The following NRG1 variants were observed in gnomAD, a reference collection of about 807,000 sequenced individuals.
The protein encoded by NRG1 is pro-neuregulin-1, membrane-bound isoform.
In NRG1, 18 loss-of-function variants were observed where a neutral mutation model predicts 63.8. The observed-to-expected ratio is 0.28, with a 90% confidence interval of 0.19 to 0.42. The LOEUF (loss-of-function observed/expected upper bound fraction) is 0.42, where lower values mean the gene tolerates loss of function less well. NRG1 is among the 10% of genes least tolerant of loss of function. NRG1 has a pLI of 1.00. For missense variants in NRG1, 762 were observed against 814.7 expected (o/e 0.94, Z 0.79); for synonymous variants, 302 against 301.3 (o/e 1.00, Z -0.02).
At chr8:32,529,934 G>T (rs886120979) in intron 1 of NRG1, among the ~76,000 whole-genome samples, 1 of 152,086 alleles carries the variant, frequency 6.6e-6, no homozygotes, top group African/African-American at 2.4e-5. Flanking sequence ...CAGTAACATA[G>T]TCATTTAGTG....
intron 1 of NRG1, among the ~76,000 whole-genome samples, chr8:32,355,664 A>AG (rs1239914528): frequency 2.7e-4 from 28 of 104,774 alleles, no homozygotes; most frequent in Admixed American, 1.5e-3. Flanking sequence ...TGGAGAAAGA[A>AG]GGGGGAAAAA....
At chr8:32,390,187 C>A in intron 1 of NRG1, among the ~76,000 whole-genome samples, 1 of 152,150 alleles carries the variant, frequency 6.6e-6, no homozygotes, top group Non-Finnish European at 1.5e-5. Context: ...TCTGGTGTCC[C>A]TGATTCTGGA....
At chr8:32,398,952 TATC>T (rs1452909317) in intron 1 of NRG1, among the ~76,000 whole-genome samples, 1 of 152,154 alleles carries the variant, frequency 6.6e-6, no homozygotes, top group East Asian at 1.9e-4. Context: ...TATATTGCAA[TATC>T]ATAGAAACCT....
intron 1 of NRG1, among the ~76,000 whole-genome samples, chr8:31,741,350 C>G (rs7009880): frequency 6.6e-6 from 1 of 151,588 alleles, no homozygotes; most frequent in Admixed American, 6.6e-5. Context: ...TGCACATGTA[C>G]CCCCTGAATC....
chr8:31,937,721 T>G (rs1009638956), intron 1 of NRG1, among the ~76,000 whole-genome samples: 7 of 151,950 alleles, frequency 4.6e-5, no homozygotes, highest in Non-Finnish European at 7.4e-5. Context: ...TGCATGGGAG[T>G]GGGGTGAGGC....
intron 1 of NRG1, among the ~76,000 whole-genome samples, chr8:31,987,005 A>G (rs1810174270): frequency 6.6e-6 from 1 of 152,088 alleles, no homozygotes; most frequent in South Asian, 2.1e-4. Context: ...GGCAGTTAAA[A>G]TGTATTAGTG....
chr8:31,861,004 A>T (rs986637319), intron 1 of NRG1, among the ~76,000 whole-genome samples: 1 of 152,242 alleles, frequency 6.6e-6, no homozygotes, highest in Non-Finnish European at 1.5e-5. Context: ...GAAAGAAATC[A>T]GTTGAATTTT....
chr8:32,095,712 C>A (rs932030826), intron 1 of NRG1, among the ~76,000 whole-genome samples: 1 of 152,140 alleles, frequency 6.6e-6, no homozygotes, highest in Admixed American at 6.6e-5. Context: ...AATTGTTGTG[C>A]ATGCTATTAT....
At chr8:32,304,593 TAA>T (rs34519029) in intron 1 of NRG1, among the ~76,000 whole-genome samples, 1 of 151,776 alleles carries the variant, frequency 6.6e-6, no homozygotes, top group Non-Finnish European at 1.5e-5. Flanking sequence ...GTATTCTTAG[TAA>T]AAAAAATATA....
At chr8:31,727,750 C>CT (rs960481069) in intron 1 of NRG1, among the ~76,000 whole-genome samples, 21 of 152,116 alleles carry the variant, frequency 1.4e-4, no homozygotes, top group African/African-American at 2.2e-4. Context: ...CATATATTGT[C>CT]TTTTTTTTAT....
chr8:32,493,837 T>C (rs979267732), intron 1 of NRG1, among the ~76,000 whole-genome samples: 1 of 152,152 alleles, frequency 6.6e-6, no homozygotes, highest in African/African-American at 2.4e-5. Flanking sequence ...GGTTGGATAA[T>C]CCCAGATGAT....
chr8:31,720,359 G>T (rs79737974), intron 1 of NRG1, among the ~76,000 whole-genome samples: 4,437 of 152,132 alleles, frequency 0.029, 215 homozygotes, highest in African/African-American at 0.099. Context: ...ACATGTGCAG[G>T]ATGTGCAGGT....
intron 1 of NRG1, among the ~76,000 whole-genome samples, chr8:32,275,797 T>C (rs1023276529): frequency 3.3e-5 from 5 of 152,098 alleles, no homozygotes; most frequent in Non-Finnish European, 5.9e-5. Flanking sequence ...ATTCCTACCA[T>C]GCCCCCAGAT....
In NRG1 at chr8:31,844,568, C is replaced by A. The variant is rs147678663; in HGVS notation, c.37+205137C>A. Among the ~76,000 whole-genome samples, 30 of 152,256 alleles carry A rather than the reference C, an allele frequency of 2.0e-4. 1 individual carries two copies. Among genetic ancestry groups the A allele is most frequent in the African/African-American group, 7.2e-4 (30 of 41,556 alleles). On this transcript the variant is annotated intron_variant, in intron 1 of 10. Transcript: ENST00000519301. ...GAGAAATGAAATCCTCCGAAGGGAG[C>A]TTCATGAACTAAATTACCCAGAATG...
chr8:32,373,133 A>G (rs999660211), intron 1 of NRG1, among the ~76,000 whole-genome samples: 3 of 152,172 alleles, frequency 2.0e-5, no homozygotes, highest in African/African-American at 7.2e-5. Flanking sequence ...AAAGGGGAGA[A>G]GGGCAGGGAG....
Position 32,648,145 on chromosome 8 carries a change from C to G in NRG1, c.502+31260C>G, listed in dbSNP as rs147564100. ...GTGTCGTCTGAGGCATACACTTCAC[C>G]TGTCTCTAGGGCTCAATCTGAAAGT... On this transcript the variant is annotated intron_variant, in intron 5 of 11. Transcript: ENST00000356819. 3.1e-6 allele frequency: 5 copies of G among 1,614,038 alleles called. No individual in the cohort carries two copies. In the African/African-American group the frequency reaches 6.7e-5, roughly 22 times the overall value.
At chr8:32,068,883 T>A (rs557696201) in intron 1 of NRG1, among the ~76,000 whole-genome samples, 3 of 152,350 alleles carry the variant, frequency 2.0e-5, no homozygotes, top group Non-Finnish European at 2.9e-5. Flanking sequence ...GAGAATCTAG[T>A]TCATTACTCT....
intron 1 of NRG1, among the ~76,000 whole-genome samples, chr8:32,346,140 A>G (rs1386444850): frequency 6.8e-6 from 1 of 147,260 alleles, no homozygotes; most frequent in African/African-American, 2.5e-5. Flanking sequence ...TAAATTATAT[A>G]CCTATAAATT....
chr8:31,657,949 G>T (rs549736589), intron 1 of NRG1, among the ~76,000 whole-genome samples: 1 of 152,288 alleles, frequency 6.6e-6, no homozygotes, highest in South Asian at 2.1e-4. Flanking sequence ...AGGTCCTTTT[G>T]CCCTCTCTGC....
Sources: allele counts gnomAD v4.1 joint callset (sites outside exome capture counted in the v4.1 genomes callset), GRCh38; gene constraint gnomAD v4.1.1; transcripts MANE v1.5; gene names NCBI Gene and HGNC (gene_info 2026-07-23, HGNC 2026-07-21).